The following DAPK2 variants were observed in gnomAD, a reference collection of about 807,000 sequenced individuals.
DAPK2 encodes the protein death-associated protein kinase 2.
Under a neutral mutation model 44.1 loss-of-function variants are expected in DAPK2, and 35 were observed. That is an observed-to-expected ratio of 0.79 (90% CI 0.61 to 1.05). The LOEUF (loss-of-function observed/expected upper bound fraction) is 1.05, where lower values mean the gene tolerates loss of function less well. DAPK2 is among the 50% of genes least tolerant of loss of function. DAPK2 has a pLI of 0.00. For missense variants in DAPK2, 453 were observed against 483.2 expected (o/e 0.94, Z 0.59); for synonymous variants, 174 against 182.6 (o/e 0.95, Z 0.38).
intron 5 of DAPK2, among the ~76,000 whole-genome samples, chr15:63,930,000 G>A (rs534064013): frequency 3.3e-5 from 5 of 152,358 alleles, no homozygotes; most frequent in South Asian, 2.1e-4. Context: ...CTGTGCAGAG[G>A]ACTAATCCCT....
At chr15:64,008,111 T>A (rs1318405483) in intron 1 of DAPK2, among the ~76,000 whole-genome samples, 10 of 152,202 alleles carry the variant, frequency 6.6e-5, no homozygotes, top group African/African-American at 2.4e-4. Flanking sequence ...CACACAACTC[T>A]GAATACATTA....
At chr15:63,919,882 T>G (rs2079025446) in intron 8 of DAPK2, 2 of 152,230 alleles carry the variant, frequency 1.3e-5, no homozygotes, top group Non-Finnish European at 2.9e-5. Context: ...GGTCAAGGTC[T>G]GTTAACACGG....
At chr15:63,994,452 AG>A (rs2078897341) in intron 1 of DAPK2, among the ~76,000 whole-genome samples, 2 of 148,898 alleles carry the variant, frequency 1.3e-5, no homozygotes, top group Non-Finnish European at 3.0e-5. Context: ...GAAGGAAGGA[AG>A]GAAGGAAGGA....
At chr15:64,002,956 GTGTGTGTGTC>G (rs1305858206) in intron 1 of DAPK2, among the ~76,000 whole-genome samples, 2 of 120,946 alleles carry the variant, frequency 1.7e-5, no homozygotes, top group Non-Finnish European at 3.5e-5. Context: ...GTGTGTGTGT[GTGTGTGTGTC>G]GTGGGACCTG....
chr15:63,945,333 G>A (rs1261029395), intron 3 of DAPK2, among the ~76,000 whole-genome samples: 2 of 152,204 alleles, frequency 1.3e-5, no homozygotes, highest in African/African-American at 4.8e-5. Flanking sequence ...TTGGTTTTAG[G>A]ATTCCTGGTA....
chr15:63,982,596 G>A (rs2078552974), intron 2 of DAPK2, among the ~76,000 whole-genome samples: 2 of 152,168 alleles, frequency 1.3e-5, no homozygotes, highest in Admixed American at 6.5e-5. Flanking sequence ...TGCCCAGGAC[G>A]ATACCAGCGT....
chr15:63,944,787 G>A (rs994580437), intron 3 of DAPK2, among the ~76,000 whole-genome samples: 9 of 152,044 alleles, frequency 5.9e-5, no homozygotes, highest in Admixed American at 2.6e-4. Flanking sequence ...ACTGGCCACC[G>A]GAGAAAGTCC....
chr15:64,003,574 T>C (rs898129440), intron 1 of DAPK2, among the ~76,000 whole-genome samples: 1 of 152,130 alleles, frequency 6.6e-6, no homozygotes, highest in Non-Finnish European at 1.5e-5. Context: ...CTTAAGTTTC[T>C]TTTCTTTCTT....
At chr15:63,959,953 G>C (rs182799481) in intron 3 of DAPK2, among the ~76,000 whole-genome samples, 2 of 152,254 alleles carry the variant, frequency 1.3e-5, no homozygotes, top group East Asian at 3.9e-4. Context: ...TTGTACCTCT[G>C]GTAGAATTCG....
At chr15:63,953,393 T>A (rs1327473410) in intron 3 of DAPK2, among the ~76,000 whole-genome samples, 1 of 152,236 alleles carries the variant, frequency 6.6e-6, no homozygotes, top group Non-Finnish European at 1.5e-5. Flanking sequence ...TGTACCTGGC[T>A]TATTTCACTT....
At chr15:63,922,683 G>C in intron 8 of DAPK2, 4 of 1,470,988 alleles carry the variant, frequency 2.7e-6, no homozygotes, top group Non-Finnish European at 3.6e-6. Context: ...GGGTGGATGA[G>C]AACATGCTTC....
intron 4 of DAPK2, among the ~76,000 whole-genome samples, chr15:63,936,391 A>G (rs887122866): frequency 3.3e-5 from 5 of 152,206 alleles, no homozygotes; most frequent in African/African-American, 1.2e-4. Context: ...CAGGGGGATC[A>G]CTTGAGGTCA....
At chr15:64,035,404 C>T (rs1450185891) in intron 1 of DAPK2, among the ~76,000 whole-genome samples, 1 of 152,178 alleles carries the variant, frequency 6.6e-6, no homozygotes, top group Non-Finnish European at 1.5e-5. Context: ...ACACTACCCT[C>T]GAGTACAAAC....
chr15:63,918,560 T>A (rs2078989878), intron 8 of DAPK2: 1 of 152,448 alleles, frequency 6.6e-6, no homozygotes, highest in Non-Finnish European at 1.5e-5. Context: ...ATTTGCAGTC[T>A]GGGCTGGGTG....
At chr15:63,940,151 C>G (rs1237042990) in intron 3 of DAPK2, among the ~76,000 whole-genome samples, 1 of 152,226 alleles carries the variant, frequency 6.6e-6, no homozygotes, top group East Asian at 1.9e-4. Flanking sequence ...CACCCAACCA[C>G]TCAGACTACG....
chr15:63,975,765 A>C (rs1156605525), intron 2 of DAPK2, among the ~76,000 whole-genome samples: 1 of 152,062 alleles, frequency 6.6e-6, no homozygotes, highest in Non-Finnish European at 1.5e-5. Flanking sequence ...CGCCCAGCTA[A>C]TTTTTGTATT....
At chr15:63,977,305 C>T (rs2078380820) in intron 2 of DAPK2, among the ~76,000 whole-genome samples, 1 of 152,140 alleles carries the variant, frequency 6.6e-6, no homozygotes, top group East Asian at 1.9e-4. Flanking sequence ...CGTCCTTTGC[C>T]CCACTCTGAC....
At position 63,924,863 on chromosome 15, in the gene DAPK2, T is replaced by C; in HGVS notation, c.813-2A>G. The C allele has an allele frequency of 6.2e-7, 1 of 1,614,132 alleles. No individual in the cohort carries two copies. The highest frequency in any genetic ancestry group is 8.5e-7 in the Non-Finnish European group (1 of 1,179,962). On this transcript the variant is annotated splice_acceptor_variant, in intron 7 of 10. Coordinates refer to ENST00000261891, the Ensembl canonical transcript of DAPK2. LOFTEE classifies it high-confidence loss of function. ...GCCTCTTGGATTGTGAGCCGTTTCCTGCAATGAGGATTGGGAAACAGTGAT... is the reference window on the plus strand; with the variant it reads ...GCCTCTTGGATTGTGAGCCGTTTCCCGCAATGAGGATTGGGAAACAGTGAT...
At chr15:63,957,405 G>A (rs191499356) in intron 3 of DAPK2, among the ~76,000 whole-genome samples, 66 of 151,856 alleles carry the variant, frequency 4.3e-4, no homozygotes, top group African/African-American at 7.5e-4. Context: ...TGGGCACAAC[G>A]CGCAGGTTTG....
Sources: gnomAD v4.1 joint callset for allele counts (sites outside exome capture counted in the v4.1 genomes callset) on GRCh38, gnomAD v4.1.1 for gene constraint, MANE v1.5 for transcripts, NCBI Gene and HGNC (gene_info 2026-07-23, HGNC 2026-07-21) for gene names.